ATXN7L1: variants seen among roughly 807,000 people sequenced by gnomAD.
ATXN7L1 encodes the protein ataxin 7 like 1, also known as ataxin-7-like protein 1.
A neutral mutation model predicts 70.8 loss-of-function variants in ATXN7L1; 15 were observed. That is an observed-to-expected ratio of 0.21 (90% CI 0.14 to 0.33). The LOEUF is 0.33. Among genes scored for constraint, ATXN7L1 ranks in the 10% least tolerant of loss-of-function variants. The pLI, the probability that ATXN7L1 is intolerant of heterozygous loss-of-function variation, is 1.00. For missense variants in ATXN7L1, 975 were observed against 1,097.1 expected (o/e 0.89, Z 1.57); for synonymous variants, 440 against 445.1 (o/e 0.99, Z 0.14).
At chr7:105,704,242 G>A (rs959912274) in intron 3 of ATXN7L1, among the ~76,000 whole-genome samples, 4 of 152,218 alleles carry the variant, frequency 2.6e-5, no homozygotes, top group African/African-American at 7.2e-5. Flanking sequence ...GACGGGGTCT[G>A]TCTTGTTCAC....
At chr7:105,787,000 G>C (rs997035255) in intron 3 of ATXN7L1, among the ~76,000 whole-genome samples, 4 of 152,152 alleles carry the variant, frequency 2.6e-5, no homozygotes, top group Admixed American at 6.5e-5. Context: ...ACCACTGGCT[G>C]GGTGGGACCT....
chr7:105,815,481 C>T (rs193166836), intron 2 of ATXN7L1, among the ~76,000 whole-genome samples: 23 of 152,244 alleles, frequency 1.5e-4, no homozygotes, highest in Admixed American at 5.2e-4. Context: ...TCATTAGTAA[C>T]ACTGGAAGCT....
chr7:105,783,927 C>T (rs1015189780), intron 3 of ATXN7L1, among the ~76,000 whole-genome samples: 1 of 152,048 alleles, frequency 6.6e-6, no homozygotes, highest in African/African-American at 2.4e-5. Context: ...GAGCCTTTAA[C>T]CTGTGGGGTC....
intron 7 of ATXN7L1, among the ~76,000 whole-genome samples, chr7:105,634,118 A>T (rs996282278): frequency 1.1e-4 from 17 of 152,328 alleles, no homozygotes; most frequent in African/African-American, 3.6e-4. Flanking sequence ...TGGGTCTCGG[A>T]AAAGCTGAGG....
chr7:105,733,637 T>A lies in ATXN7L1; in HGVS notation c.355+54967A>T, dbSNP rs368941231. ...ATCCATCCATCCATCCATCCACCCATCCATCCATCCATCCATCCATCCATC... is the reference window on the plus strand; with the variant it reads ...ATCCATCCATCCATCCATCCACCCAACCATCCATCCATCCATCCATCCATC... On this transcript the variant is annotated intron_variant, in intron 3 of 11. Coordinates refer to ENST00000419735, the MANE Select transcript of ATXN7L1 (RefSeq NM_020725.2). Among the ~76,000 whole-genome samples the A allele has an allele frequency of 6.2e-4, 52 of 83,438 alleles. 1 individual carries two copies. The highest frequency in any genetic ancestry group is 1.2e-3 in the African/African-American group (22 of 17,792). 54.7% of individuals were successfully genotyped at this position (83,438 alleles called of 152,430 possible). A position where few individuals can be genotyped will look rare whatever the true frequency, so the allele number is the denominator to read the frequency against.
At chr7:105,820,113 A>C in intron 2 of ATXN7L1, 3 of 168,218 alleles carry the variant, frequency 1.8e-5, no homozygotes, top group South Asian at 7.8e-5. Flanking sequence ...CCCAGTAAAG[A>C]CTGTTTATTC....
At chr7:105,856,822 T>C (rs914907013) in intron 2 of ATXN7L1, among the ~76,000 whole-genome samples, 2 of 151,636 alleles carry the variant, frequency 1.3e-5, no homozygotes, top group African/African-American at 4.9e-5. Context: ...TGTGTGTGTG[T>C]GAGACAGAGA....
intron 2 of ATXN7L1, chr7:105,820,029 G>C (rs184594196): frequency 2.4e-6 from 1 of 424,714 alleles, no homozygotes; most frequent in East Asian, 6.3e-5. Context: ...TATGGAAACC[G>C]GGTGAAAAGA....
intron 2 of ATXN7L1, among the ~76,000 whole-genome samples, chr7:105,855,635 G>T (rs893690129): frequency 3.3e-5 from 5 of 152,194 alleles, no homozygotes; most frequent in Non-Finnish European, 5.9e-5. Context: ...TTTTAATGAT[G>T]TAAGTTAAAT....
intron 4 of ATXN7L1, among the ~76,000 whole-genome samples, chr7:105,661,229 G>T (rs1801555519): frequency 6.6e-6 from 1 of 152,178 alleles, no homozygotes; most frequent in African/African-American, 2.4e-5. Flanking sequence ...CCCTGTGCTT[G>T]TTATAGAGTT....
intron 2 of ATXN7L1, among the ~76,000 whole-genome samples, chr7:105,870,317 TTG>T (rs1452694472): frequency 2.6e-5 from 4 of 151,942 alleles, no homozygotes; most frequent in African/African-American, 9.7e-5. Context: ...TCCATAGAAA[TTG>T]TTTCTTTAAA....
At chr7:105,670,196 ACGCTGC>A (rs1803326648) in intron 3 of ATXN7L1, among the ~76,000 whole-genome samples, 1 of 152,228 alleles carries the variant, frequency 6.6e-6, no homozygotes, top group Non-Finnish European at 1.5e-5. Context: ...TTGCAAAAAG[ACGCTGC>A]TGTGCAGGTG....
At chr7:105,725,235 T>C (rs1287879589) in intron 3 of ATXN7L1, among the ~76,000 whole-genome samples, 1 of 152,128 alleles carries the variant, frequency 6.6e-6, no homozygotes, top group Non-Finnish European at 1.5e-5. Flanking sequence ...GTTTACTGTC[T>C]GGCCACTGGT....
chr7:105,831,432 G>A (rs983347958), intron 2 of ATXN7L1, among the ~76,000 whole-genome samples: 1 of 152,098 alleles, frequency 6.6e-6, no homozygotes, highest in African/African-American at 2.4e-5. Flanking sequence ...GGCTGAGCTG[G>A]GCAACAGGTG....
chr7:105,663,075 T>C (rs1443391351), intron 4 of ATXN7L1, among the ~76,000 whole-genome samples: 1 of 152,196 alleles, frequency 6.6e-6, no homozygotes, highest in African/African-American at 2.4e-5. Flanking sequence ...CTCCAGAGCT[T>C]GTGGTTACAT....
intron 3 of ATXN7L1, among the ~76,000 whole-genome samples, chr7:105,687,200 A>G (rs846936): frequency 0.2 from 29,805 of 152,160 alleles, 3,027 homozygotes; most frequent in East Asian, 0.3. Context: ...CTGATGCATG[A>G]GGGGAATAAA....
chr7:105,812,901 C>T (rs1325412684), intron 2 of ATXN7L1, among the ~76,000 whole-genome samples: 1 of 152,162 alleles, frequency 6.6e-6, no homozygotes, highest in Admixed American at 6.5e-5. Context: ...ACTTGGGAGG[C>T]TGAGGTGGGA....
At chr7:105,801,255 A>G (rs956929583) in intron 2 of ATXN7L1, among the ~76,000 whole-genome samples, 22 of 152,346 alleles carry the variant, frequency 1.4e-4, no homozygotes, top group Admixed American at 5.2e-4. Context: ...ATCACTGTTA[A>G]AAGTCACCAG....
chr7:105,684,437 T>C (rs890779049), intron 3 of ATXN7L1, among the ~76,000 whole-genome samples: 4 of 152,252 alleles, frequency 2.6e-5, no homozygotes, highest in Non-Finnish European at 4.4e-5. Context: ...AGATGGGGTC[T>C]GACCAGCTCC....
Sources: allele counts gnomAD v4.1 joint callset (sites outside exome capture counted in the v4.1 genomes callset), GRCh38; gene constraint gnomAD v4.1.1; transcripts MANE v1.5; gene names NCBI Gene and HGNC (gene_info 2026-07-23, HGNC 2026-07-21).